Variants in WNK2 observed in about 807,000 individuals in gnomAD.
WNK2 encodes WNK lysine deficient protein kinase 2, also known as serine/threonine-protein kinase WNK2.
WNK2 carries 67 observed loss-of-function variants against 192.1 expected under a neutral mutation model. That is an observed-to-expected ratio of 0.35 (90% CI 0.29 to 0.43). WNK2 has a LOEUF of 0.43. WNK2 is among the 20% of genes least tolerant of loss of function. The probability of loss-of-function intolerance (pLI) is 1.00; values close to 1 mark genes in which losing one functional copy is unlikely to be tolerated. For missense variants in WNK2, 2,698 were observed against 3,089.7 expected, an observed-to-expected ratio of 0.87 and a Z score of 3.01; for synonymous variants, 1,439 against 1,393.9, an observed-to-expected ratio of 1.03 and a Z score of -0.72.
At chr9:93,272,460 G>A (rs540256156) in intron 19 of WNK2, among the ~76,000 whole-genome samples, 3 of 152,244 alleles carry the variant, frequency 2.0e-5, no homozygotes, top group South Asian at 2.1e-4. Context: ...TTCAAAGGCC[G>A]AGCATGGTGG....
chr9:93,273,323 A>G (rs1846282251), intron 19 of WNK2, among the ~76,000 whole-genome samples: 1 of 152,020 alleles, frequency 6.6e-6, no homozygotes, highest in Non-Finnish European at 1.5e-5. Context: ...GTGCCCAACT[A>G]ATTTTGTATT....
intron 19 of WNK2, among the ~76,000 whole-genome samples, chr9:93,282,267 G>A (rs1411363491): frequency 2.1e-5 from 3 of 143,686 alleles, no homozygotes; most frequent in Non-Finnish European, 3.0e-5. Context: ...TGTGAGACTC[G>A]TAGAATAGCA....
chr9:93,213,447 G>A (rs190901960), intron 2 of WNK2, among the ~76,000 whole-genome samples: 197 of 152,160 alleles, frequency 1.3e-3, no homozygotes, highest in African/African-American at 4.4e-3. Flanking sequence ...ATGAATCTTT[G>A]GGCAATTTTG....
chr9:93,303,067 C>T (rs1268457931), intron 26 of WNK2, among the ~76,000 whole-genome samples: 1 of 152,176 alleles, frequency 6.6e-6, no homozygotes, highest in Admixed American at 6.5e-5. Context: ...CACAGGTCTG[C>T]ACCACCACAC....
intron 8 of WNK2, among the ~76,000 whole-genome samples, chr9:93,250,762 GTAAT>G (rs1171309075): frequency 6.7e-6 from 1 of 148,318 alleles, no homozygotes; most frequent in Non-Finnish European, 1.5e-5. Context: ...GTTTAATTGT[GTAAT>G]TAATGAACTC....
intron 2 of WNK2, among the ~76,000 whole-genome samples, chr9:93,225,762 G>A (rs1837701342): frequency 6.6e-6 from 1 of 152,212 alleles, no homozygotes; most frequent in South Asian, 2.1e-4. Context: ...AGGACTAGGC[G>A]CACAGAAAGG....
chr9:93,268,913 G>A (rs562834032), intron 19 of WNK2, 167 bp downstream of exon 19: 1 of 1,560,154 alleles, frequency 6.4e-7, no homozygotes, highest in Non-Finnish European at 8.7e-7. Flanking sequence ...TCCTATCCTT[G>A]TTTTCTGCTG....
Position 93,249,907 on chromosome 9 carries a change from A to ATTTTTTT in WNK2, c.1834+2093_1834+2099dup, listed in dbSNP as rs58293954. ...TCCCTAGAGGCAACAGATGCTACCA[A>ATTTTTTT]TTTTTTTTTTTTTTTTTTTTTTTTT... On this transcript the variant is annotated intron_variant, in intron 8 of 29. Transcript: ENST00000427277. Among the ~76,000 whole-genome samples the ATTTTTTT allele has an allele frequency of 6.8e-3, 577 of 85,426 alleles. 72 individuals are homozygous for ATTTTTTT. Among genetic ancestry groups the ATTTTTTT allele is most frequent in the African/African-American group, 0.023 (474 of 20,604 alleles). 56.0% of individuals were successfully genotyped at this position (85,426 alleles called of 152,430 possible).
At chr9:93,190,412 G>C (rs1371325967) in intron 2 of WNK2, among the ~76,000 whole-genome samples, 1 of 152,230 alleles carries the variant, frequency 6.6e-6, no homozygotes. Flanking sequence ...GTGGGCGCCT[G>C]GCTGAGCTGA....
intron 2 of WNK2, 111 bp downstream of exon 2, chr9:93,185,721 G>T: frequency 7.8e-7 from 1 of 1,276,154 alleles, no homozygotes; most frequent in Non-Finnish European, 1.1e-6. Flanking sequence ...GGGGCGGCGG[G>T]GCTCCATGTG....
chr9:93,311,909 C>T (rs1011539560), intron 28 of WNK2, among the ~76,000 whole-genome samples: 7 of 151,934 alleles, frequency 4.6e-5, no homozygotes, highest in Admixed American at 1.3e-4. Flanking sequence ...CGTGAGCCAC[C>T]GTGCGCCACC....
intron 7 of WNK2, among the ~76,000 whole-genome samples, chr9:93,246,306 G>A (rs1371152278): frequency 2.0e-5 from 3 of 152,116 alleles, no homozygotes; most frequent in African/African-American, 7.2e-5. Flanking sequence ...TTGAGCTGCC[G>A]CCTCTTAGAG....
At chr9:93,230,835 G>A in intron 3 of WNK2, 53 bp from the exon 4 acceptor site, 1 of 1,541,092 alleles carries the variant, frequency 6.5e-7, no homozygotes, top group Non-Finnish European at 8.8e-7. Context: ...GGCTTTGCTA[G>A]GGGGCCGCTG....
At chr9:93,199,944 G>T (rs536230030) in intron 2 of WNK2, among the ~76,000 whole-genome samples, 3 of 150,378 alleles carry the variant, frequency 2.0e-5, no homozygotes, top group African/African-American at 7.3e-5. Flanking sequence ...GAGCTAGGAT[G>T]GGGGGGCAGC....
At chr9:93,295,749 CCTCT>C (rs1310750060) in intron 23 of WNK2, among the ~76,000 whole-genome samples, 2 of 148,280 alleles carry the variant, frequency 1.3e-5, no homozygotes, top group Non-Finnish European at 3.0e-5. Context: ...ACCTTCCTCC[CCTCT>C]CTATCCTCCC....
At chr9:93,246,621 G>T (rs1056160490) in intron 7 of WNK2, among the ~76,000 whole-genome samples, 10 of 152,162 alleles carry the variant, frequency 6.6e-5, no homozygotes, top group Non-Finnish European at 1.2e-4. Flanking sequence ...CACTTTTGTG[G>T]GGTCGCCAGC....
intron 2 of WNK2, among the ~76,000 whole-genome samples, chr9:93,188,436 A>T (rs1046525810): frequency 1.6e-4 from 25 of 152,240 alleles, no homozygotes; most frequent in Admixed American, 7.2e-4. Context: ...ATCGAAGGGC[A>T]GTGAGGTGTT....
At chr9:93,278,789 A>T (rs997694523) in intron 19 of WNK2, among the ~76,000 whole-genome samples, 1 of 152,242 alleles carries the variant, frequency 6.6e-6, no homozygotes, top group African/African-American at 2.4e-5. Flanking sequence ...GATTAAGTAC[A>T]TTAAGACAGT....
At chr9:93,298,109 G>A in intron 24 of WNK2, 42 bp downstream of exon 24, 5 of 1,541,412 alleles carry the variant, frequency 3.2e-6, no homozygotes, top group Non-Finnish European at 4.4e-6. Context: ...GCGGGGCTGG[G>A]GACCCCCGAG....
Sources: allele counts gnomAD v4.1 joint callset (sites outside exome capture counted in the v4.1 genomes callset), GRCh38; gene constraint gnomAD v4.1.1; transcripts MANE v1.5; gene names NCBI Gene and HGNC (gene_info 2026-07-23, HGNC 2026-07-21).